PROZ: variants seen among roughly 807,000 people sequenced by gnomAD.
The protein encoded by PROZ is vitamin K-dependent protein Z.
In PROZ, 46 loss-of-function variants were observed where a neutral mutation model predicts 34.9. The ratio of observed to expected loss-of-function variants is 1.32; its 90% CI spans 1.04 to 1.69. PROZ has a LOEUF of 1.69. Ranked by LOEUF, PROZ falls within the 40% of genes most tolerant of loss-of-function variation. PROZ has a pLI of 0.00. For synonymous variants in PROZ, 195 were observed against 208.5 expected, an observed-to-expected ratio of 0.94 and a Z score of 0.56; for missense variants, 530 against 520.4, an observed-to-expected ratio of 1.02 and a Z score of -0.18.
intron 2 of PROZ, 68 bp from the exon 3 acceptor site, chr13:113,160,880 C>T (rs1433429240): frequency 1.6e-5 from 22 of 1,345,994 alleles, no homozygotes; most frequent in Non-Finnish European, 2.3e-5. Flanking sequence ...CCTTCAAGTT[C>T]ATCTACAGGA....
rs2036711522 is a variant in PROZ, at chr13:113,159,014, G to A, written c.70+284G>A. 6.6e-6 allele frequency among the ~76,000 whole-genome samples: 1 copy of A among 150,932 alleles called. No homozygotes were observed. The highest frequency in any genetic ancestry group is 6.6e-5 in the Admixed American group (1 of 15,160). ...GGCCGGGGAGAGGGGAGGGGGAAAG[G>A]GGGAGGAGTGGGGGGAGGCCTGGGT... On this transcript the variant is annotated intron_variant, in intron 1 of 7. Transcript: ENST00000375547. The surrounding 1 kb of genome is among the most constrained non-coding windows in gnomAD (Gnocchi z 4.6).
intron 4 of PROZ, among the ~76,000 whole-genome samples, chr13:113,164,189 A>G (rs1213916803): frequency 6.6e-6 from 1 of 152,084 alleles, no homozygotes; most frequent in Non-Finnish European, 1.5e-5. Context: ...CATGTTGGCC[A>G]GGCTGGTCTT....
intron 3 of PROZ, among the ~76,000 whole-genome samples, chr13:113,161,671 A>G (rs978594140): frequency 5.9e-5 from 9 of 152,082 alleles, no homozygotes; most frequent in African/African-American, 2.2e-4. Context: ...CAGGCCTTAC[A>G]TCCGGAGCGG....
In PROZ at chr13:113,160,133, G is replaced by A. The variant is rs1201784356; in HGVS notation, c.190G>A (p.Val64Ile). ...LEKECYEEIC[V>I]YEEAREVFEN... The stretch of plus-strand genomic sequence containing the variant: ...AAAAGAATGTTATGAAGAAATCTGT[G>A]TCTATGAAGAAGCAAGAGAAGTGTT... The change falls in exon 2 of 8, where the codon GTC becomes ATC. Residue 64 changes from valine to isoleucine, a missense_variant. Physicochemically the swap from Val to Ile is conservative, Grantham distance 29. Transcript: ENST00000375547. The A allele has an allele frequency of 1.2e-6, 2 of 1,614,026 alleles. No homozygotes were observed. The highest frequency in any genetic ancestry group is 1.7e-6 in the Non-Finnish European group (2 of 1,180,038).
At chr13:113,167,752 T>C (rs1443742286) in intron 6 of PROZ, among the ~76,000 whole-genome samples, 1 of 152,222 alleles carries the variant, frequency 6.6e-6, no homozygotes, top group Non-Finnish European at 1.5e-5. Context: ...ACCTCTGCCT[T>C]TTAATTGGGG....
Position 113,172,112 on chromosome 13 carries a change from C to G in PROZ, c.*7C>G, listed in dbSNP as rs749519645. 6.2e-6 allele frequency: 10 copies of G among 1,612,008 alleles called. No individual in the cohort carries two copies. The South Asian group carries it at 7.7e-5, about 12-fold the overall frequency. On this transcript the variant is annotated 3_prime_UTR_variant, in exon 8 of 8. Coordinates refer to ENST00000375547, the MANE Select transcript of PROZ (RefSeq NM_003891.3). ...TAAACAGATCATGAACTAACTGAAA[C>G]TCAGCTAGCCAGAATGAACAACACA... is the stretch of plus-strand genomic sequence containing the variant.
At position 113,165,090 on chromosome 13, in the gene PROZ, T is replaced by C. The variant is rs1486528196; in HGVS notation, c.543T>C (p.Arg181=). The part of the protein sequence containing the change: ...CACGVLTSEK[R]APDLQDLPWQ... ...GCGGGGTGCTGACCTCTGAGAAGCG[T>C]GCACCGGATCTACAGGACCTCCCGT... is the stretch of plus-strand genomic sequence containing the variant. The change falls in exon 6 of 8, where the codon CGT becomes CGC. Residue 181 remains arginine (R), a synonymous_variant. Coordinates refer to ENST00000375547, the MANE Select transcript of PROZ (RefSeq NM_003891.3). 5.0e-6 allele frequency: 8 copies of C among 1,612,756 alleles called. No individual in the cohort carries two copies. Among genetic ancestry groups the C allele is most frequent in the Non-Finnish European group, 6.8e-6 (8 of 1,180,008 alleles).
chr13:113,159,218 A>C lies in PROZ; in HGVS notation c.70+488A>C. 1 of 1,547,608 alleles carries C rather than the reference A, an allele frequency of 6.5e-7. No individual in the cohort carries two copies. The highest frequency in any genetic ancestry group is 1.2e-5 in the South Asian group (1 of 84,002). On this transcript the variant is annotated intron_variant, in intron 1 of 7. Transcript: ENST00000375547. The surrounding 1 kb of genome is among the most constrained non-coding windows in gnomAD (Gnocchi z 4.6). ...CACCAGCCACTTCACTGAAGGAACG[A>C]CATGGACTCCATTCTGACTCTGCCT... is the stretch of plus-strand genomic sequence containing the variant.
At chr13:113,162,888 G>A (rs2036786281) in intron 3 of PROZ, 121 bp from the exon 4 acceptor site, 5 of 606,986 alleles carry the variant, frequency 8.2e-6, no homozygotes, top group Admixed American at 2.5e-5. Flanking sequence ...CGTCCCTGCT[G>A]CCACCCCCCA....
At position 113,160,991 on chromosome 13, in the gene PROZ, C is replaced by G. The variant is rs776352587; in HGVS notation, c.259+19C>G. 2 of 1,602,166 alleles carry G rather than the reference C, an allele frequency of 1.2e-6. No individual in the cohort carries two copies. The highest frequency in any genetic ancestry group is 1.7e-6 in the Non-Finnish European group (2 of 1,169,848). ...TATAAGGGTAAGTGGTTTCCTTCGT[C>G]TCCTCAGAAGTATTAATTCCTCGGG... On this transcript the variant is annotated intron_variant, in intron 3 of 7. Transcript: ENST00000375547.
In PROZ at chr13:113,165,063, C is replaced by G. The variant is rs1267324804; in HGVS notation, c.516C>G (p.Ala172=). Residue 172 remains alanine, a synonymous_variant, in exon 6 of 8, where the codon GCC becomes GCG. Transcript: ENST00000375547. The part of the protein sequence containing the change: ...HKQCVPHDQC[A]CGVLTSEKRA... The stretch of plus-strand genomic sequence containing the variant: ...CTGCCGCAAATGCAGACCAGTGTGC[C>G]TGCGGGGTGCTGACCTCTGAGAAGC... The G allele has an allele frequency of 6.2e-7, 1 of 1,613,458 alleles. No homozygotes were observed. Among genetic ancestry groups the G allele is most frequent in the Non-Finnish European group, 8.5e-7 (1 of 1,180,032 alleles).
At chr13:113,170,599 G>A in intron 7 of PROZ, 69 bp downstream of exon 7, 1 of 1,006,402 alleles carries the variant, frequency 9.9e-7, no homozygotes, top group Non-Finnish European at 1.6e-6. Flanking sequence ...AGAATGAAAT[G>A]ACAAATTTAA....
At chr13:113,161,269 C>T (rs1029510018) in intron 3 of PROZ, among the ~76,000 whole-genome samples, 3 of 152,214 alleles carry the variant, frequency 2.0e-5, no homozygotes, top group African/African-American at 7.2e-5. Context: ...CAGAGCAGCT[C>T]CTCCAGCCGC....
intron 4 of PROZ, among the ~76,000 whole-genome samples, chr13:113,164,034 A>G (rs1176415613): frequency 6.7e-6 from 1 of 150,102 alleles, no homozygotes; most frequent in East Asian, 2.0e-4. Context: ...GCTGGAGTGC[A>G]GTGACGCGAT....
At chr13:113,161,074 C>G in intron 3 of PROZ, 102 bp downstream of exon 3, 1 of 1,064,790 alleles carries the variant, frequency 9.4e-7, no homozygotes, top group Non-Finnish European at 1.5e-6. Flanking sequence ...GGATGCCAAG[C>G]CTCTGGCTCC....
Position 113,172,325 on chromosome 13 carries a change from C to A in PROZ, c.*220C>A. On this transcript the variant is annotated 3_prime_UTR_variant, in exon 8 of 8. Coordinates refer to ENST00000375547, the MANE Select transcript of PROZ (RefSeq NM_003891.3). ...TGGAACTCTTTATCTCAATAGAGACCTTAAAAGAAAACATGAGATACGTTA... is the reference window on the plus strand; with the variant it reads ...TGGAACTCTTTATCTCAATAGAGACATTAAAAGAAAACATGAGATACGTTA... 1 of 602,476 alleles carries A rather than the reference C, an allele frequency of 1.7e-6. No homozygotes were observed. The highest frequency in any genetic ancestry group is 2.9e-6 in the Non-Finnish European group (1 of 342,472). 37.3% of individuals were successfully genotyped at this position (602,476 alleles called of 1,614,324 possible). A position where few individuals can be genotyped will look rare whatever the true frequency, so the allele number is the denominator to read the frequency against.
chr13:113,162,904 T>TCCCCCC, intron 3 of PROZ, 105 bp from the exon 4 acceptor site: 1 of 377,768 alleles, frequency 2.6e-6, no homozygotes, highest in Non-Finnish European at 4.9e-6. Flanking sequence ...CCCCACTCCA[T>TCCCCCC]CCTCCTCCTG....
At position 113,170,547 on chromosome 13, in the gene PROZ, G is replaced by A; in HGVS notation, c.691+17G>A. On this transcript the variant is annotated intron_variant, in intron 7 of 7. Coordinates refer to ENST00000375547, the MANE Select transcript of PROZ (RefSeq NM_003891.3). ...TAAAAACATGTAAGTATTTTATCAT[G>A]AGTTTTTATAAAACCACATTGGAAA... 1 of 1,443,570 alleles carries A rather than the reference G, an allele frequency of 6.9e-7. No homozygotes were observed. Among genetic ancestry groups the A allele is most frequent in the Non-Finnish European group, 9.8e-7 (1 of 1,025,502 alleles). 89.4% of individuals were successfully genotyped at this position (1,443,570 alleles called of 1,614,324 possible). A position where few individuals can be genotyped will look rare whatever the true frequency, so the allele number is the denominator to read the frequency against.
intron 6 of PROZ, among the ~76,000 whole-genome samples, chr13:113,169,855 T>C (rs756112391): frequency 6.6e-6 from 1 of 152,242 alleles, no homozygotes; most frequent in Admixed American, 6.5e-5. Flanking sequence ...TGCTGAAAAC[T>C]GCTAGGCATG....
Sources: allele counts gnomAD v4.1 joint callset (sites outside exome capture counted in the v4.1 genomes callset), GRCh38; gene constraint gnomAD v4.1.1; non-coding constraint Gnocchi (gnomAD v3.1); transcripts MANE v1.5; gene names NCBI Gene and HGNC (gene_info 2026-07-23, HGNC 2026-07-21).